Variants in FIGN observed in about 807,000 individuals in gnomAD.
The protein encoded by FIGN is fidgetin.
A neutral mutation model predicts 51.3 loss-of-function variants in FIGN; 11 were observed. The observed-to-expected ratio is 0.21, with a 90% CI of 0.13 to 0.35. The LOEUF (loss-of-function observed/expected upper bound fraction) is 0.35, where lower values mean the gene tolerates loss of function less well. Among genes scored for constraint, FIGN ranks in the 10% least tolerant of loss-of-function variants. The pLI, the probability that FIGN is intolerant of heterozygous loss-of-function variation, is 1.00. For missense variants in FIGN, 857 were observed against 943.6 expected (o/e 0.91, Z 1.20); for synonymous variants, 407 against 363.2 (o/e 1.12, Z -1.37).
At position 163,609,975 on chromosome 2, in the gene FIGN, C is replaced by T. The variant is rs186183930; in HGVS notation, c.1857G>A (p.Ser619=). The part of the protein sequence containing the change: ...FLMQLDTVLT[S]AEDQIVVICA... ...AAATTACTACGATTTGGTCCTCAGCCGAAGTTAGTACAGTGTCCAGTTGCA... is the reference window on the plus strand; with the variant it reads ...AAATTACTACGATTTGGTCCTCAGCTGAAGTTAGTACAGTGTCCAGTTGCA... The change falls in exon 3 of 3, where the codon TCG becomes TCA. Residue 619 remains serine (S), a synonymous_variant. Transcript: ENST00000333129. The T allele has an allele frequency of 4.8e-5, 77 of 1,613,986 alleles. No individual in the cohort carries two copies. The highest frequency in any genetic ancestry group is 5.5e-5 in the Non-Finnish European group (65 of 1,180,014).
At chr2:163,704,650 TCTCTCTCA>T (rs1324708764) in intron 2 of FIGN, among the ~76,000 whole-genome samples, 8 of 132,972 alleles carry the variant, frequency 6.0e-5, no homozygotes, top group Admixed American at 2.3e-4. Flanking sequence ...TCTCTCTCTC[TCTCTCTCA>T]CACACACACA....
In FIGN at chr2:163,660,869, A is replaced by G. The variant is rs184622078; in HGVS notation, c.26-49063T>C. 1.6e-3 allele frequency among the ~76,000 whole-genome samples: 18 copies of G among 11,600 alleles called. 6 individuals carry two copies. Among genetic ancestry groups the G allele is most frequent in the Admixed American group, 3.4e-3 (2 of 580 alleles). The allele number at this position is 11,600 out of a possible 152,430, so 7.6% of individuals were successfully genotyped here. On this transcript the variant is annotated intron_variant, in intron 2 of 2. Coordinates refer to ENST00000333129, the MANE Select transcript of FIGN (RefSeq NM_018086.4). ...TATATATATGTATACATATATATAT[A>G]TATATATATATTTTTTTTTTTTTTT...
rs59417003 is a variant in FIGN, at chr2:163,710,909, T to C, written c.25+23994A>G. Among the ~76,000 whole-genome samples the C allele has an allele frequency of 2.8e-3, 432 of 152,334 alleles. 1 individual carries two copies. Among genetic ancestry groups the C allele is most frequent in the African/African-American group, 0.01 (417 of 41,570 alleles). On this transcript the variant is annotated intron_variant, in intron 2 of 2. Transcript: ENST00000333129. ...ATTACACAGAGTCAGTGTTCACCTGTACACAATGGCTTGTCTGACTGCAAA... is the reference window on the plus strand; with the variant it reads ...ATTACACAGAGTCAGTGTTCACCTGCACACAATGGCTTGTCTGACTGCAAA...
rs1684993289 is a variant in FIGN at position 163,735,027 on chromosome 2, G to A, written c.-100C>T. 2.4e-6 allele frequency: 3 copies of A among 1,247,602 alleles called. No homozygotes were observed. Among genetic ancestry groups the A allele is most frequent in the East Asian group, 2.4e-5 (1 of 41,840 alleles). 77.3% of individuals were successfully genotyped at this position (1,247,602 alleles called of 1,614,324 possible). A position where few individuals can be genotyped will look rare whatever the true frequency, so the allele number is the denominator to read the frequency against. ...CCACTTTTCCTCTCAGCTATCAAAT[G>A]TCACTGCCTTGAAACGTGGGCCCTT... is the stretch of plus-strand genomic sequence containing the variant. On this transcript the variant is annotated 5_prime_UTR_variant, in exon 2 of 3. Coordinates refer to ENST00000333129, the MANE Select transcript of FIGN (RefSeq NM_018086.4).
intron 2 of FIGN, among the ~76,000 whole-genome samples, chr2:163,619,477 T>C (rs900101507): frequency 6.6e-6 from 1 of 152,132 alleles, no homozygotes; most frequent in Non-Finnish European, 1.5e-5. Flanking sequence ...CTGAATTGGG[T>C]TCTCTACAAT....
intron 2 of FIGN, among the ~76,000 whole-genome samples, chr2:163,630,736 C>G (rs1218266507): frequency 6.6e-6 from 1 of 151,480 alleles, no homozygotes; most frequent in East Asian, 1.9e-4. Flanking sequence ...TTTCAGTTTT[C>G]AGGAAGACAT....
At chr2:163,686,021 T>C (rs1356164007) in intron 2 of FIGN, among the ~76,000 whole-genome samples, 3 of 152,264 alleles carry the variant, frequency 2.0e-5, no homozygotes, top group Admixed American at 2.0e-4. Context: ...AATTTGGACT[T>C]CGTCAATTTC....
chr2:163,728,260 T>C (rs184531302), intron 2 of FIGN, among the ~76,000 whole-genome samples: 1 of 147,488 alleles, frequency 6.8e-6, no homozygotes, highest in Non-Finnish European at 1.5e-5. Context: ...TACATAAAAA[T>C]ACTCATTTTT....
Position 163,607,408 on chromosome 2 carries a change from C to A in FIGN, c.*2144G>T, listed in dbSNP as rs1245954720. Reference sequence around the variant, plus strand: ...AGCACAGCTTTAATTGACAGAATGTCACAGTAAATTAAATTCTGGTTCAAT... The same window carrying A: ...AGCACAGCTTTAATTGACAGAATGTAACAGTAAATTAAATTCTGGTTCAAT... On this transcript the variant is annotated 3_prime_UTR_variant, in exon 3 of 3. Coordinates refer to ENST00000333129, the MANE Select transcript of FIGN (RefSeq NM_018086.4). 6.6e-6 allele frequency: 1 copy of A among 152,092 alleles called. No individual in the cohort carries two copies. The highest frequency in any genetic ancestry group is 2.4e-5 in the African/African-American group (1 of 41,382). The allele number at this position is 152,092 out of a possible 1,614,324, so 9.4% of individuals were successfully genotyped here. A position where few individuals can be genotyped will look rare whatever the true frequency, so the allele number is the denominator to read the frequency against.
intron 2 of FIGN, among the ~76,000 whole-genome samples, chr2:163,668,965 T>G (rs1362947356): frequency 6.7e-6 from 1 of 148,996 alleles, no homozygotes; most frequent in Non-Finnish European, 1.5e-5. Flanking sequence ...AAAAAAGACA[T>G]TTAGTATAGA....
In FIGN at chr2:163,609,565, C is replaced by A; in HGVS notation, c.2267G>T (p.Gly756Val). 1 of 1,606,394 alleles carries A rather than the reference C, an allele frequency of 6.2e-7. No homozygotes were observed. The highest frequency in any genetic ancestry group is 8.5e-7 in the Non-Finnish European group (1 of 1,175,032). ...DMYVEWNKMF[G>V]CSQ is the part of the protein sequence containing the mutation. ...CTAAAGAAGTTATCACTGACTGCAA[C>A]CAAACATTTTGTTCCATTCAACATA... Residue 756 changes from glycine (G) to valine (V), a missense_variant, in exon 3 of 3, where the codon GGT (glycine) becomes GTT (valine). Around this residue, in one of 3 missense-constraint regions of FIGN, gnomAD observed 799 missense variants for 849.5 expected, o/e 0.94. Coordinates refer to ENST00000333129, the MANE Select transcript of FIGN (RefSeq NM_018086.4).
intron 2 of FIGN, among the ~76,000 whole-genome samples, chr2:163,619,127 T>A (rs1171533127): frequency 6.6e-6 from 1 of 152,150 alleles, no homozygotes; most frequent in Non-Finnish European, 1.5e-5. Context: ...TTTTTGCTAT[T>A]TTCCTATCCA....
At chr2:163,721,268 C>T (rs140173749) in intron 2 of FIGN, among the ~76,000 whole-genome samples, 2 of 152,042 alleles carry the variant, frequency 1.3e-5, no homozygotes, top group East Asian at 3.9e-4. Flanking sequence ...TTAAATATTC[C>T]CTGGATTTAA....
At chr2:163,686,649 T>C (rs1240421262) in intron 2 of FIGN, among the ~76,000 whole-genome samples, 1 of 152,082 alleles carries the variant, frequency 6.6e-6, no homozygotes, top group African/African-American at 2.4e-5. Flanking sequence ...AGACCAAATA[T>C]TATCAATTTT....
intron 2 of FIGN, among the ~76,000 whole-genome samples, chr2:163,652,109 C>T (rs1683485852): frequency 6.6e-6 from 1 of 152,076 alleles, no homozygotes; most frequent in Admixed American, 6.6e-5. Context: ...CTATCCGCAG[C>T]TCATATACAG....
intron 2 of FIGN, among the ~76,000 whole-genome samples, chr2:163,708,745 T>C (rs1318280072): frequency 1.3e-5 from 2 of 151,912 alleles, no homozygotes; most frequent in African/African-American, 4.8e-5. Flanking sequence ...GTGCTGAGGT[T>C]TGGAGGGAGG....
chr2:163,676,499 C>T (rs1683973681), intron 2 of FIGN, among the ~76,000 whole-genome samples: 1 of 129,252 alleles, frequency 7.7e-6, no homozygotes, highest in African/African-American at 2.8e-5. Flanking sequence ...AGTCTGTGCA[C>T]CCGAATCTGA....
chr2:163,637,495 T>C (rs1211418774), intron 2 of FIGN, among the ~76,000 whole-genome samples: 1 of 152,182 alleles, frequency 6.6e-6, no homozygotes, highest in Non-Finnish European at 1.5e-5. Flanking sequence ...CATGTCTTCT[T>C]AGTGCCTCTC....
intron 2 of FIGN, among the ~76,000 whole-genome samples, chr2:163,725,462 A>G (rs1247002283): frequency 1.3e-5 from 2 of 152,096 alleles, no homozygotes; most frequent in African/African-American, 4.8e-5. Context: ...TATGTATTTA[A>G]GTATACATGT....
Sources: gnomAD v4.1 joint callset for allele counts (sites outside exome capture counted in the v4.1 genomes callset) on GRCh38, gnomAD v4.1.1 for gene constraint, gnomAD v4.1.1 regional missense constraint, MANE v1.5 for transcripts, NCBI Gene and HGNC (gene_info 2026-07-23, HGNC 2026-07-21) for gene names.